The following TIAM2 variants were observed in gnomAD, a reference collection of about 807,000 sequenced individuals.
TIAM2 encodes the protein rho guanine nucleotide exchange factor TIAM2.
Under a neutral mutation model 152.9 loss-of-function variants are expected in TIAM2, and 80 were observed. The ratio of observed to expected loss-of-function variants is 0.52; its 90% CI spans 0.44 to 0.63. TIAM2 has a LOEUF of 0.63. Among genes scored for constraint, TIAM2 ranks in the 30% least tolerant of loss-of-function variants. The pLI, the probability that TIAM2 is intolerant of heterozygous loss-of-function variation, is 0.00. For synonymous variants in TIAM2, 804 were observed against 838.0 expected, an observed-to-expected ratio of 0.96 and a Z score of 0.70; for missense variants, 1,965 against 2,120.1, an observed-to-expected ratio of 0.93 and a Z score of 1.44.
intron 2 of TIAM2, among the ~76,000 whole-genome samples, chr6:155,124,814 G>T (rs536744215): frequency 6.6e-6 from 1 of 151,878 alleles, no homozygotes; most frequent in East Asian, 1.9e-4. Context: ...ATTAGAGGCT[G>T]AGCTATTGGA....
intron 2 of TIAM2, among the ~76,000 whole-genome samples, chr6:155,105,102 A>G (rs1475927501): frequency 2.6e-5 from 4 of 151,782 alleles, no homozygotes; most frequent in African/African-American, 9.7e-5. Flanking sequence ...GACTACTGGC[A>G]TGCACTACCA....
At chr6:155,100,852 G>A (rs1375150335) in intron 2 of TIAM2, among the ~76,000 whole-genome samples, 1 of 152,112 alleles carries the variant, frequency 6.6e-6, no homozygotes, top group Non-Finnish European at 1.5e-5. Context: ...TGTCACATAC[G>A]AAACTGAGGC....
rs777809562 is a variant in TIAM2, at chr6:155,250,910, T to A, written c.3952-3T>A. 1 of 1,614,004 alleles carries A rather than the reference T, an allele frequency of 6.2e-7. No individual in the cohort carries two copies. Among genetic ancestry groups the A allele is most frequent in the Non-Finnish European group, 8.5e-7 (1 of 1,179,848 alleles). On this transcript the variant is annotated splice_region_variant and splice_polypyrimidine_tract_variant and intron_variant, in intron 21 of 26. Transcript: ENST00000682666. Reference sequence around the variant, plus strand: ...TTCCTTACCTCCTGTTTTTACAATCTAGGTAACAGAACTTTCGATGGGAGA... The same window carrying A: ...TTCCTTACCTCCTGTTTTTACAATCAAGGTAACAGAACTTTCGATGGGAGA...
At chr6:155,075,655 C>T (rs1166809963) in intron 1 of TIAM2, among the ~76,000 whole-genome samples, 1 of 152,148 alleles carries the variant, frequency 6.6e-6, no homozygotes, top group Non-Finnish European at 1.5e-5. Context: ...ATGAGATAGC[C>T]TGGGGATGTT....
chr6:155,209,123 A>C lies in TIAM2; in HGVS notation c.3065-2081A>C, dbSNP rs529525074. Among the ~76,000 whole-genome samples, 3 of 152,122 alleles carry C rather than the reference A, an allele frequency of 2.0e-5. No individual in the cohort carries two copies. In the East Asian group the frequency reaches 5.8e-4, roughly 30 times the overall value. ...TGCTTCCTGAGTGTCCCCACTCAGC[A>C]GCCTGTGGGCTTTCCTCATATCATC... On this transcript the variant is annotated intron_variant, in intron 14 of 26. Transcript: ENST00000682666.
chr6:155,237,316 T>C (rs1562366124), intron 15 of TIAM2, among the ~76,000 whole-genome samples: 2 of 152,266 alleles, frequency 1.3e-5, no homozygotes, highest in Non-Finnish European at 2.9e-5. Flanking sequence ...TGGGTAGCTC[T>C]GTCCCTGTGG....
At chr6:155,128,866 CA>C (rs552124879) in intron 3 of TIAM2, among the ~76,000 whole-genome samples, 3 of 148,892 alleles carry the variant, frequency 2.0e-5, no homozygotes, top group Admixed American at 1.3e-4. Flanking sequence ...GACTCTGTCT[CA>C]AAAAAAAAGC....
chr6:155,176,595 A>G (rs1285176633), intron 9 of TIAM2, among the ~76,000 whole-genome samples: 1 of 152,218 alleles, frequency 6.6e-6, no homozygotes, highest in Non-Finnish European at 1.5e-5. Context: ...AACACAGGAC[A>G]GGCAGTCACT....
At chr6:155,046,536 T>C (rs1337822118) in intron 1 of TIAM2, among the ~76,000 whole-genome samples, 2 of 152,132 alleles carry the variant, frequency 1.3e-5, no homozygotes, top group Admixed American at 1.3e-4. Flanking sequence ...GGTTTCGCCA[T>C]GTTGGCCAGG....
At chr6:155,178,820 C>T (rs1286923712) in intron 10 of TIAM2, among the ~76,000 whole-genome samples, 1 of 152,156 alleles carries the variant, frequency 6.6e-6, no homozygotes, top group Non-Finnish European at 1.5e-5. Flanking sequence ...AGTGATCCAC[C>T]CGCCTTGGCC....
At chr6:155,221,650 C>T (rs1271349861) in intron 15 of TIAM2, among the ~76,000 whole-genome samples, 1 of 152,138 alleles carries the variant, frequency 6.6e-6, no homozygotes, top group Non-Finnish European at 1.5e-5. Context: ...GACCTCTTGC[C>T]AGAGCTGCTT....
At chr6:155,232,800 A>G (rs1351139722) in intron 15 of TIAM2, 1 of 152,172 alleles carries the variant, frequency 6.6e-6, no homozygotes, top group Non-Finnish European at 1.5e-5. Context: ...TCTCTTTCCT[A>G]GTAGCTTTCT....
At chr6:155,202,182 T>A (rs889439739) in intron 14 of TIAM2, among the ~76,000 whole-genome samples, 1 of 152,236 alleles carries the variant, frequency 6.6e-6, no homozygotes, top group African/African-American at 2.4e-5. Flanking sequence ...ACTCAAGAGT[T>A]ACTTTTTTTT....
At chr6:155,062,844 G>C (rs1344463896) in intron 1 of TIAM2, among the ~76,000 whole-genome samples, 1 of 151,978 alleles carries the variant, frequency 6.6e-6, no homozygotes, top group Non-Finnish European at 1.5e-5. Context: ...CAAAGTGCTG[G>C]GATTACAGGC....
At chr6:155,211,867 ACT>A (rs1394495533) in intron 15 of TIAM2, among the ~76,000 whole-genome samples, 2 of 151,232 alleles carry the variant, frequency 1.3e-5, no homozygotes, top group Admixed American at 6.6e-5. Flanking sequence ...TTAAACAATA[ACT>A]CTCTATTTCC....
At chr6:155,193,006 T>C (rs1781247169) in intron 14 of TIAM2, among the ~76,000 whole-genome samples, 3 of 152,236 alleles carry the variant, frequency 2.0e-5, no homozygotes, top group Admixed American at 2.0e-4. Flanking sequence ...GGAATAGATC[T>C]TTTACTCATG....
chr6:155,018,821 C>A (rs1335553580), intron 1 of TIAM2, among the ~76,000 whole-genome samples: 4 of 129,350 alleles, frequency 3.1e-5, no homozygotes, highest in African/African-American at 1.2e-4. Flanking sequence ...GGCAGATCAC[C>A]TGAGGTCACG....
chr6:155,071,671 G>A (rs570142562), intron 1 of TIAM2, among the ~76,000 whole-genome samples: 4 of 152,204 alleles, frequency 2.6e-5, no homozygotes, highest in East Asian at 1.9e-4. Flanking sequence ...TTCAGAGGCC[G>A]ATCACCTGAG....
rs374508529 is a variant in TIAM2 at position 155,249,917 on chromosome 6, A to G, written c.3899A>G (p.Tyr1300Cys). 5.0e-6 allele frequency: 8 copies of G among 1,614,080 alleles called. No homozygotes were observed. Among genetic ancestry groups the G allele is most frequent in the African/African-American group, 2.7e-5 (2 of 74,926 alleles). The change falls in exon 21 of 27, where the codon TAT becomes TGT. Residue 1300 changes from tyrosine to cysteine, a missense_variant. Tyr to Cys is a radical substitution (Grantham distance 194). Coordinates refer to ENST00000682666, the MANE Select transcript of TIAM2 (RefSeq NM_012454.4). ...INEMQKIYED[Y>C]GTVFDQLVAE... ...GAGATGCAGAAGATCTATGAGGATT[A>G]TGGGACCGTGTTTGACCAGCTAGTA...
Sources: gnomAD v4.1 joint callset for allele counts (sites outside exome capture counted in the v4.1 genomes callset) on GRCh38, gnomAD v4.1.1 for gene constraint, MANE v1.5 for transcripts, NCBI Gene and HGNC (gene_info 2026-07-23, HGNC 2026-07-21) for gene names.